Variants in AKAP6 observed in about 807,000 individuals in gnomAD.
AKAP6 encodes A-kinase anchoring protein 6.
Under a neutral mutation model 188.5 loss-of-function variants are expected in AKAP6, and 58 were observed. The ratio of observed to expected loss-of-function variants is 0.31; its 90% CI spans 0.25 to 0.38. AKAP6 has a LOEUF of 0.38. Ranked by LOEUF, AKAP6 falls within the 10% of genes least tolerant of loss-of-function variation. AKAP6 has a pLI of 1.00. For synonymous variants in AKAP6, 989 were observed against 998.6 expected (o/e 0.99, Z 0.18); for missense variants, 2,710 against 2,740.0 (o/e 0.99, Z 0.24).
At chr14:32,386,403 C>T (rs1888538535) in intron 1 of AKAP6, among the ~76,000 whole-genome samples, 1 of 152,070 alleles carries the variant, frequency 6.6e-6, no homozygotes, top group African/African-American at 2.4e-5. Context: ...TGTATGTCTG[C>T]TTTTGATAAT....
intron 9 of AKAP6, among the ~76,000 whole-genome samples, chr14:32,729,180 G>A (rs2031042125): frequency 6.6e-6 from 1 of 151,932 alleles, no homozygotes; most frequent in Admixed American, 6.6e-5. Context: ...GTTTCAAAAT[G>A]GCTTATTCTT....
chr14:32,401,382 G>C (rs1889087200), intron 1 of AKAP6, among the ~76,000 whole-genome samples: 1 of 152,284 alleles, frequency 6.6e-6, no homozygotes, highest in African/African-American at 2.4e-5. Context: ...CCCAGCTACA[G>C]AGTGCCGAAG....
At chr14:32,610,162 C>T (rs1886296456) in intron 7 of AKAP6, among the ~76,000 whole-genome samples, 1 of 151,960 alleles carries the variant, frequency 6.6e-6, no homozygotes, top group African/African-American at 2.4e-5. Flanking sequence ...TATTACTTTC[C>T]CTTTACTGAC....
At chr14:32,489,394 G>A (rs568892334) in intron 2 of AKAP6, among the ~76,000 whole-genome samples, 1 of 152,152 alleles carries the variant, frequency 6.6e-6, no homozygotes, top group East Asian at 1.9e-4. Context: ...ATTTTTTATA[G>A]AGATGATGTC....
chr14:32,341,758 T>TC (rs1162302569), intron 1 of AKAP6, among the ~76,000 whole-genome samples: 5 of 152,162 alleles, frequency 3.3e-5, no homozygotes, highest in African/African-American at 1.2e-4. Flanking sequence ...ATGTGGTGGC[T>TC]CAGGCCTGGC....
At chr14:32,448,522 G>A (rs894210463) in intron 2 of AKAP6, among the ~76,000 whole-genome samples, 2 of 152,182 alleles carry the variant, frequency 1.3e-5, no homozygotes, top group East Asian at 3.8e-4. Context: ...GGTACAAAGA[G>A]GGTAATTTAC....
chr14:32,625,662 A>C (rs1415402070), intron 7 of AKAP6, among the ~76,000 whole-genome samples: 13 of 144,112 alleles, frequency 9.0e-5, no homozygotes, highest in South Asian at 2.2e-4. Flanking sequence ...AAAAAAAAAA[A>C]CCCTTCTTAC....
intron 1 of AKAP6, among the ~76,000 whole-genome samples, chr14:32,350,952 T>C (rs546554708): frequency 2.0e-5 from 3 of 152,288 alleles, no homozygotes; most frequent in African/African-American, 7.2e-5. Flanking sequence ...AGATATTTTC[T>C]ATGATGTGTA....
intron 5 of AKAP6, among the ~76,000 whole-genome samples, chr14:32,589,432 C>T (rs962950194): frequency 6.6e-6 from 1 of 152,110 alleles, no homozygotes; most frequent in Non-Finnish European, 1.5e-5. Context: ...AAATTTATAG[C>T]ATACAGGCAT....
At chr14:32,747,440 C>T (rs1242704017) in intron 11 of AKAP6, among the ~76,000 whole-genome samples, 1 of 152,144 alleles carries the variant, frequency 6.6e-6, no homozygotes, top group African/African-American at 2.4e-5. Flanking sequence ...CAATAGACAT[C>T]AAACAGGACT....
Position 32,821,649 on chromosome 14 carries a change from C to G in AKAP6, c.3836C>G (p.Ala1279Gly), listed in dbSNP as rs2034522288. ...GGSQYASNIT[A>G]PSSPHIYQVY... ...TCTCAGTATGCCTCAAATATTACTG[C>G]CCCCTCTAGTCCACACATTTACCAG... is the stretch of plus-strand genomic sequence containing the variant. Residue 1279 changes from alanine to glycine, a missense_variant, in exon 13 of 14, where the codon GCC becomes GGC. This residue lies in a region of AKAP6 where 2,473 missense variants were observed against 2,426.1 expected (regional missense o/e 1.02). Coordinates refer to ENST00000280979, the MANE Select transcript of AKAP6 (RefSeq NM_004274.5). 6.2e-7 allele frequency: 1 copy of G among 1,613,516 alleles called. No homozygotes were observed. Among genetic ancestry groups the G allele is most frequent in the Admixed American group, 1.7e-5 (1 of 59,856 alleles).
At chr14:32,385,389 TTTTTTA>T (rs1888497448) in intron 1 of AKAP6, among the ~76,000 whole-genome samples, 1 of 121,154 alleles carries the variant, frequency 8.3e-6, no homozygotes, top group Admixed American at 1.1e-4. Flanking sequence ...AATGTCTCTG[TTTTTTA>T]TTTTTATTTC....
At chr14:32,769,152 A>G (rs1350340089) in intron 11 of AKAP6, among the ~76,000 whole-genome samples, 1 of 142,642 alleles carries the variant, frequency 7.0e-6, no homozygotes, top group East Asian at 2.1e-4. Flanking sequence ...GGCTCAAGCC[A>G]TTCTCCTGCC....
At chr14:32,755,928 G>C (rs1298536861) in intron 11 of AKAP6, among the ~76,000 whole-genome samples, 1 of 152,260 alleles carries the variant, frequency 6.6e-6, no homozygotes, top group African/African-American at 2.4e-5. Flanking sequence ...CTAGGCATTT[G>C]TGCCTGCACA....
At chr14:32,375,326 T>A (rs1276980332) in intron 1 of AKAP6, among the ~76,000 whole-genome samples, 5 of 152,094 alleles carry the variant, frequency 3.3e-5, no homozygotes, top group African/African-American at 1.2e-4. Flanking sequence ...CTATGTGCAG[T>A]TTTGAACATG....
chr14:32,774,183 T>G (rs1488707825), intron 12 of AKAP6, among the ~76,000 whole-genome samples: 1 of 152,208 alleles, frequency 6.6e-6, no homozygotes, highest in Non-Finnish European at 1.5e-5. Flanking sequence ...GAGATTTCGC[T>G]TAACCTTACC....
chr14:32,561,957 T>G (rs1441768017), intron 4 of AKAP6, among the ~76,000 whole-genome samples: 1 of 152,194 alleles, frequency 6.6e-6, no homozygotes, highest in Non-Finnish European at 1.5e-5. Context: ...TGGGTTCTGT[T>G]TCAAGGTCAC....
intron 11 of AKAP6, among the ~76,000 whole-genome samples, chr14:32,744,219 C>G (rs1391261144): frequency 6.6e-6 from 1 of 151,984 alleles, no homozygotes; most frequent in Non-Finnish European, 1.5e-5. Context: ...TTTCTTTATC[C>G]TTGACCTTTG....
intron 7 of AKAP6, among the ~76,000 whole-genome samples, chr14:32,629,546 C>G (rs1345949778): frequency 6.6e-6 from 1 of 150,942 alleles, no homozygotes; most frequent in East Asian, 2.0e-4. Flanking sequence ...ACTAGCCACA[C>G]ATCTGTGGAT....
Sources: gnomAD v4.1 joint callset for allele counts (sites outside exome capture counted in the v4.1 genomes callset) on GRCh38, gnomAD v4.1.1 for gene constraint, gnomAD v4.1.1 regional missense constraint, MANE v1.5 for transcripts, NCBI Gene and HGNC (gene_info 2026-07-23, HGNC 2026-07-21) for gene names.